NREP: variants seen among roughly 807,000 people sequenced by gnomAD.
The protein encoded by NREP is neuronal regeneration-related protein.
A neutral mutation model predicts 8.6 loss-of-function variants in NREP; 5 were observed. The ratio of observed to expected loss-of-function variants is 0.58; its 90% CI spans 0.30 to 1.22. The LOEUF (loss-of-function observed/expected upper bound fraction) is 1.22, where lower values mean the gene tolerates loss of function less well. Ranked by LOEUF, NREP falls within the 50% of genes most tolerant of loss-of-function variation. The pLI, the probability that NREP is intolerant of heterozygous loss-of-function variation, is 0.07. For missense variants in NREP, 86 were observed against 82.5 expected, an observed-to-expected ratio of 1.04 and a Z score of -0.17; for synonymous variants, 27 against 28.0, an observed-to-expected ratio of 0.96 and a Z score of 0.11.
intron 2 of NREP, among the ~76,000 whole-genome samples, chr5:111,745,372 T>C (rs774056011): frequency 3.3e-5 from 5 of 152,202 alleles, no homozygotes; most frequent in Non-Finnish European, 5.9e-5. Context: ...ATTAAGACTT[T>C]GGATCTAATT....
At chr5:111,768,869 T>C (rs1169324922) in intron 2 of NREP, among the ~76,000 whole-genome samples, 2 of 152,240 alleles carry the variant, frequency 1.3e-5, no homozygotes, top group African/African-American at 4.8e-5. Context: ...TCCTTTCAGA[T>C]GTATACCCAA....
intron 2 of NREP, among the ~76,000 whole-genome samples, chr5:111,845,715 A>G (rs1259657684): frequency 1.3e-5 from 2 of 152,158 alleles, no homozygotes; most frequent in Non-Finnish European, 2.9e-5. Flanking sequence ...AATATCATAT[A>G]TACTACACAC....
chr5:111,731,216 A>C (rs1338608837), intron 3 of NREP, among the ~76,000 whole-genome samples, 170 bp from the exon 4 acceptor site: 1 of 152,186 alleles, frequency 6.6e-6, no homozygotes, highest in Non-Finnish European at 1.5e-5. Context: ...AGTTCACCTG[A>C]ATGTAAATAT....
At position 111,926,055 on chromosome 5, in the gene NREP, G is replaced by A. The variant is rs149788127; in HGVS notation, c.135+49219C>T. Among the ~76,000 whole-genome samples, 279 of 152,278 alleles carry A rather than the reference G, an allele frequency of 1.8e-3. 3 individuals are homozygous for A. The highest frequency in any genetic ancestry group is 6.5e-3 in the African/African-American group (271 of 41,558). Reference sequence around the variant, plus strand: ...TCTCCATGTGAGATCATACACCTGGGCTAGATTTTGGAAAGCCTCTATATA... The same window carrying A: ...TCTCCATGTGAGATCATACACCTGGACTAGATTTTGGAAAGCCTCTATATA... On this transcript the variant is annotated intron_variant, in intron 2 of 3. Coordinates refer to the NREP transcript ENST00000395634.
At chr5:111,861,747 A>G (rs1753548534) in intron 2 of NREP, among the ~76,000 whole-genome samples, 1 of 152,192 alleles carries the variant, frequency 6.6e-6, no homozygotes, top group Non-Finnish European at 1.5e-5. Flanking sequence ...GCTTGGATAT[A>G]GTAGGTATGA....
chr5:111,867,727 A>G (rs1166886410), intron 2 of NREP, among the ~76,000 whole-genome samples: 1 of 152,166 alleles, frequency 6.6e-6, no homozygotes, highest in Non-Finnish European at 1.5e-5. Context: ...ACAAAACAGA[A>G]TAAAATATGG....
intron 2 of NREP, among the ~76,000 whole-genome samples, chr5:111,886,980 A>G (rs1754268207): frequency 6.6e-6 from 1 of 150,580 alleles, no homozygotes; most frequent in African/African-American, 2.5e-5. Flanking sequence ...ATTAATAATA[A>G]AATAAAAAAT....
chr5:111,946,820 T>C (rs574038416), intron 2 of NREP, among the ~76,000 whole-genome samples: 1 of 152,198 alleles, frequency 6.6e-6, no homozygotes, highest in African/African-American at 2.4e-5. Context: ...AGGTCTATAA[T>C]GTTACTGTTA....
intron 2 of NREP, among the ~76,000 whole-genome samples, chr5:111,867,997 A>G (rs1046087438): frequency 6.6e-6 from 1 of 152,036 alleles, no homozygotes; most frequent in Non-Finnish European, 1.5e-5. Context: ...CATTTCCCCT[A>G]TCCCTAGTCC....
chr5:111,933,975 C>G (rs1210561503), intron 2 of NREP, among the ~76,000 whole-genome samples: 1 of 151,972 alleles, frequency 6.6e-6, no homozygotes, highest in African/African-American at 2.4e-5. Flanking sequence ...TATTCCAAAG[C>G]TTAGTTTAGG....
chr5:111,769,537 G>T (rs1483237089), intron 2 of NREP, among the ~76,000 whole-genome samples: 1 of 152,174 alleles, frequency 6.6e-6, no homozygotes, highest in Non-Finnish European at 1.5e-5. Flanking sequence ...GAAAGATATT[G>T]GGGGAGTGGG....
chr5:111,748,660 G>C (rs756600289), intron 2 of NREP, among the ~76,000 whole-genome samples: 3 of 152,084 alleles, frequency 2.0e-5, no homozygotes, highest in Non-Finnish European at 4.4e-5. Flanking sequence ...TTTGTAGAAA[G>C]AGAACACCAA....
chr5:111,937,929 G>C (rs1188401939), intron 2 of NREP, among the ~76,000 whole-genome samples: 1 of 151,980 alleles, frequency 6.6e-6, no homozygotes, highest in Admixed American at 6.6e-5. Flanking sequence ...GCCTGCTCTT[G>C]ACTTCTTAGT....
intron 2 of NREP, among the ~76,000 whole-genome samples, chr5:111,859,243 C>CT: frequency 1.3e-5 from 2 of 152,218 alleles, no homozygotes; most frequent in Admixed American, 1.3e-4. Context: ...AGATTGTTGT[C>CT]TTTGGCTGCT....
intron 2 of NREP, among the ~76,000 whole-genome samples, chr5:111,881,646 G>A (rs1277359570): frequency 6.6e-6 from 1 of 152,170 alleles, no homozygotes; most frequent in African/African-American, 2.4e-5. Flanking sequence ...CCAGAGGAAC[G>A]ATCAGACAGC....
chr5:111,858,678 T>C (rs1753478604), intron 2 of NREP, among the ~76,000 whole-genome samples: 1 of 152,038 alleles, frequency 6.6e-6, no homozygotes, highest in South Asian at 2.1e-4. Context: ...GTAGGGGCTT[T>C]CTCGATCATA....
At chr5:111,844,932 G>T (rs1234373833) in intron 2 of NREP, among the ~76,000 whole-genome samples, 1 of 151,556 alleles carries the variant, frequency 6.6e-6, no homozygotes. Flanking sequence ...TATTTTACAT[G>T]AATATAACTA....
chr5:111,824,294 G>A (rs1469906929), intron 2 of NREP, among the ~76,000 whole-genome samples: 1 of 152,206 alleles, frequency 6.6e-6, no homozygotes, highest in Non-Finnish European at 1.5e-5. Flanking sequence ...GCATGAACCA[G>A]GGAGGCGGAG....
At chr5:111,932,504 G>C (rs1755568674) in intron 2 of NREP, among the ~76,000 whole-genome samples, 1 of 152,066 alleles carries the variant, frequency 6.6e-6, no homozygotes, top group South Asian at 2.1e-4. Flanking sequence ...GCAGTTAGTA[G>C]CAAGTAGGAC....
Sources: gnomAD v4.1 joint callset for allele counts (sites outside exome capture counted in the v4.1 genomes callset) on GRCh38, gnomAD v4.1.1 for gene constraint, MANE v1.5 for transcripts, NCBI Gene and HGNC (gene_info 2026-07-23, HGNC 2026-07-21) for gene names.